MYT1L: variants seen among roughly 807,000 people sequenced by gnomAD.
The protein encoded by MYT1L is myelin transcription factor 1 like.
Under a neutral mutation model 126.7 loss-of-function variants are expected in MYT1L, and 12 were observed. The observed-to-expected ratio is 0.09, with a 90% CI of 0.06 to 0.15. The LOEUF is 0.15. Ranked by LOEUF, MYT1L falls within the 10% of genes least tolerant of loss-of-function variation. The pLI, the probability that MYT1L is intolerant of heterozygous loss-of-function variation, is 1.00. For missense variants in MYT1L, 979 were observed against 1,585.2 expected (o/e 0.62, Z 6.49); for synonymous variants, 541 against 604.2 (o/e 0.90, Z 1.53).
chr2:2,321,936 C>T (rs1461115972), intron 1 of MYT1L, among the ~76,000 whole-genome samples: 2 of 152,160 alleles, frequency 1.3e-5, no homozygotes, highest in Non-Finnish European at 2.9e-5. Context: ...TGCACAAACA[C>T]ATCTAAAGCA....
intron 2 of MYT1L, among the ~76,000 whole-genome samples, chr2:2,205,376 A>G (rs1180358154): frequency 6.6e-6 from 1 of 152,196 alleles, no homozygotes; most frequent in Admixed American, 6.5e-5. Context: ...GTGAACCTTA[A>G]ACAATTCTTA....
At chr2:2,223,984 G>A (rs2093948720) in intron 2 of MYT1L, among the ~76,000 whole-genome samples, 1 of 152,108 alleles carries the variant, frequency 6.6e-6, no homozygotes, top group Non-Finnish European at 1.5e-5. Flanking sequence ...GGCCCTTTGT[G>A]TTGCTTTGAC....
At chr2:2,110,690 T>C (rs1021007938) in intron 3 of MYT1L, among the ~76,000 whole-genome samples, 1 of 152,088 alleles carries the variant, frequency 6.6e-6, no homozygotes, top group Admixed American at 6.5e-5. Context: ...TGCTTGCTCC[T>C]GTGTCTCACT....
At chr2:2,219,989 T>C (rs1355631215) in intron 2 of MYT1L, among the ~76,000 whole-genome samples, 1 of 152,052 alleles carries the variant, frequency 6.6e-6, no homozygotes, top group Middle Eastern at 3.2e-3. Flanking sequence ...ACAACACCAC[T>C]CCAGGTCAGT....
rs749566144 is a variant in MYT1L at position 1,910,364 on chromosome 2, C to A, written c.1710-17G>T. 6.2e-7 allele frequency: 1 copy of A among 1,604,414 alleles called. No individual in the cohort carries two copies. The highest frequency in any genetic ancestry group is 8.5e-7 in the Non-Finnish European group (1 of 1,176,398). ...CCGGAGAGGCTGCAATCACAGAAAG[C>A]GGGTTGAATGGTCCCGCCTCAAACA... On this transcript the variant is annotated splice_polypyrimidine_tract_variant and intron_variant, in intron 12 of 24. Transcript: ENST00000647738. The surrounding 1 kb of genome is among the most constrained non-coding windows in gnomAD (Gnocchi z 4.8).
intron 2 of MYT1L, among the ~76,000 whole-genome samples, chr2:2,198,295 G>C (rs566605361): frequency 6.6e-6 from 1 of 152,180 alleles, no homozygotes; most frequent in African/African-American, 2.4e-5. Flanking sequence ...GGAGTGGTTG[G>C]CCAACCAGTA....
At chr2:2,001,223 T>A (rs2062345102) in intron 4 of MYT1L, among the ~76,000 whole-genome samples, 1 of 148,578 alleles carries the variant, frequency 6.7e-6, no homozygotes, top group South Asian at 2.1e-4. Flanking sequence ...AAATTTATCT[T>A]CCATTGGTTT....
intron 4 of MYT1L, among the ~76,000 whole-genome samples, chr2:2,025,006 G>T (rs369600562): frequency 1.1e-4 from 16 of 152,378 alleles, no homozygotes; most frequent in East Asian, 3.9e-4. Flanking sequence ...GCTCCCGTGG[G>T]TCTGTTTTTA....
intron 2 of MYT1L, among the ~76,000 whole-genome samples, chr2:2,242,854 T>C (rs2094464631): frequency 6.6e-6 from 1 of 152,172 alleles, no homozygotes; most frequent in Non-Finnish European, 1.5e-5. Context: ...GCACAAGATG[T>C]GCCCAAGTTT....
At chr2:1,972,288 C>T (rs1465857913) in intron 8 of MYT1L, among the ~76,000 whole-genome samples, 2 of 152,066 alleles carry the variant, frequency 1.3e-5, no homozygotes, top group African/African-American at 2.4e-5. Flanking sequence ...ACATGCAGGG[C>T]CTTACTAATT....
At position 2,080,739 on chromosome 2, in the gene MYT1L, T is replaced by A. The variant is rs61139621; in HGVS notation, c.-303-26616A>T. ...GGATGTGGAGAAACTGGAACTCTCA[T>A]ACATTGCAGGTGGGAATATAAAATA... On this transcript the variant is annotated intron_variant, in intron 3 of 24. Coordinates refer to ENST00000647738, the MANE Select transcript of MYT1L (RefSeq NM_001303052.2). Among the ~76,000 whole-genome samples the A allele has an allele frequency of 8.6e-3, 1,307 of 152,310 alleles. 19 individuals carry two copies. The highest frequency in any genetic ancestry group is 0.026 in the African/African-American group (1,093 of 41,564).
intron 9 of MYT1L, among the ~76,000 whole-genome samples, chr2:1,927,476 G>A (rs1316424338): frequency 6.6e-6 from 1 of 152,138 alleles, no homozygotes; most frequent in African/African-American, 2.4e-5. Context: ...CTCCTCACTA[G>A]AGTCTGGTAG....
chr2:1,989,102 C>A lies in MYT1L; in HGVS notation c.-1+8089G>T, dbSNP rs181553007. On this transcript the variant is annotated intron_variant, in intron 5 of 24. Coordinates refer to ENST00000647738, the MANE Select transcript of MYT1L (RefSeq NM_001303052.2). ...GTACAGTCTCCAGGACTCCTACAGC[C>A]AAACGTTTAGTTGCATTTACAAAAT... Among the ~76,000 whole-genome samples the A allele has an allele frequency of 1.1e-3, 170 of 152,192 alleles. 1 individual carries two copies. Among genetic ancestry groups the A allele is most frequent in the African/African-American group, 4.0e-3 (168 of 41,540 alleles).
intron 2 of MYT1L, among the ~76,000 whole-genome samples, chr2:2,269,528 T>A (rs570054818): frequency 1.2e-4 from 18 of 152,300 alleles, no homozygotes; most frequent in Admixed American, 5.2e-4. Context: ...CTGGTTCCCT[T>A]GCTGACTCCC....
intron 22 of MYT1L, among the ~76,000 whole-genome samples, chr2:1,807,898 G>A (rs1324786402): frequency 1.3e-5 from 2 of 152,302 alleles, no homozygotes; most frequent in South Asian, 2.1e-4. Flanking sequence ...CACGTGTCGT[G>A]GGAGGGACCT....
At chr2:2,111,695 G>A (rs528085251) in intron 3 of MYT1L, among the ~76,000 whole-genome samples, 12 of 152,334 alleles carry the variant, frequency 7.9e-5, no homozygotes, top group South Asian at 4.1e-4. Flanking sequence ...GGTAAAGACC[G>A]GAGGAGAAAC....
At chr2:1,819,822 A>C (rs2038244577) in intron 21 of MYT1L, among the ~76,000 whole-genome samples, 2 of 152,222 alleles carry the variant, frequency 1.3e-5, no homozygotes, top group African/African-American at 4.8e-5. Flanking sequence ...TCTGGGTGCA[A>C]CCAAGGGGCA....
intron 2 of MYT1L, among the ~76,000 whole-genome samples, chr2:2,232,044 A>G (rs2094174504): frequency 6.6e-6 from 1 of 152,256 alleles, no homozygotes; most frequent in African/African-American, 2.4e-5. Flanking sequence ...TTCATTCCAC[A>G]ATTATGCAAA....
intron 4 of MYT1L, among the ~76,000 whole-genome samples, chr2:2,049,942 T>C (rs577627340): frequency 2.0e-5 from 3 of 151,298 alleles, no homozygotes; most frequent in East Asian, 3.9e-4. Flanking sequence ...AATAAACTTA[T>C]ATACGTGTGT....
Sources: allele counts gnomAD v4.1 joint callset (sites outside exome capture counted in the v4.1 genomes callset), GRCh38; gene constraint gnomAD v4.1.1; non-coding constraint Gnocchi (gnomAD v3.1); transcripts MANE v1.5; gene names NCBI Gene and HGNC (gene_info 2026-07-23, HGNC 2026-07-21).